Variants in PRKAG2 observed in about 807,000 individuals in gnomAD.
The protein encoded by PRKAG2 is 5'-AMP-activated protein kinase subunit gamma-2.
A neutral mutation model predicts 69.6 loss-of-function variants in PRKAG2; 26 were observed. That is an observed-to-expected ratio of 0.37 (90% CI 0.27 to 0.52). The LOEUF (loss-of-function observed/expected upper bound fraction) is 0.52. Among genes scored for constraint, PRKAG2 ranks in the 20% least tolerant of loss-of-function variants. The pLI is 0.90. For missense variants in PRKAG2, 557 were observed against 740.0 expected (o/e 0.75, Z 2.87); for synonymous variants, 293 against 285.0 (o/e 1.03, Z -0.28).
intron 1 of PRKAG2, among the ~76,000 whole-genome samples, chr7:151,789,231 T>C (rs543089671): frequency 6.6e-5 from 10 of 152,256 alleles, no homozygotes; most frequent in Non-Finnish European, 8.8e-5. Flanking sequence ...ACTGAATCTA[T>C]AGACCACTTT....
chr7:151,811,726 A>T lies in PRKAG2; in HGVS notation c.115-25185T>A, dbSNP rs554570532. Among the ~76,000 whole-genome samples, 7 of 152,278 alleles carry T rather than the reference A, an allele frequency of 4.6e-5. No homozygotes were observed. The South Asian group carries it at 1.2e-3, about 27-fold the overall frequency. On this transcript the variant is annotated intron_variant, in intron 1 of 15. Coordinates refer to ENST00000287878, the MANE Select transcript of PRKAG2 (RefSeq NM_016203.4). ...GGACAAGCCTGCCCACTAGGAAGGG[A>T]GGGAAGGTATTGAGCCTTGAACGAG...
chr7:151,742,870 T>G (rs566706003), intron 3 of PRKAG2, among the ~76,000 whole-genome samples: 6 of 152,196 alleles, frequency 3.9e-5, no homozygotes, highest in African/African-American at 1.4e-4. Flanking sequence ...TGCCTGAAAT[T>G]CCTTACATGA....
At chr7:151,700,420 C>G (rs938625745) in intron 3 of PRKAG2, among the ~76,000 whole-genome samples, 1 of 150,764 alleles carries the variant, frequency 6.6e-6, no homozygotes, top group Non-Finnish European at 1.5e-5. Flanking sequence ...TGACAAGACT[C>G]TTCAGTGACC....
At chr7:151,716,229 C>T (rs1796164868) in intron 3 of PRKAG2, among the ~76,000 whole-genome samples, 2 of 152,184 alleles carry the variant, frequency 1.3e-5, no homozygotes, top group South Asian at 4.1e-4. Flanking sequence ...GGTGCTGAAC[C>T]TGAGGTGCCC....
intron 2 of PRKAG2, among the ~76,000 whole-genome samples, chr7:151,782,295 A>AG (rs1204349333): frequency 9.1e-5 from 5 of 54,814 alleles, no homozygotes; most frequent in South Asian, 1.2e-3. Context: ...GAGAAAGGAA[A>AG]GAAAGGAAGG....
At chr7:151,627,134 G>A (rs967982740) in intron 5 of PRKAG2, among the ~76,000 whole-genome samples, 5 of 152,274 alleles carry the variant, frequency 3.3e-5, no homozygotes, top group Admixed American at 3.3e-4. Context: ...AACTCTTAAC[G>A]ACAGCAATAA....
At chr7:151,706,243 G>C (rs1838581764) in intron 3 of PRKAG2, among the ~76,000 whole-genome samples, 1 of 152,198 alleles carries the variant, frequency 6.6e-6, no homozygotes, top group Admixed American at 6.5e-5. Flanking sequence ...CCTGACTGCT[G>C]TCTCCTCCTG....
At chr7:151,615,947 C>T (rs567900404) in intron 5 of PRKAG2, among the ~76,000 whole-genome samples, 6 of 152,304 alleles carry the variant, frequency 3.9e-5, no homozygotes, top group South Asian at 2.1e-4. Context: ...ATTTGCACAC[C>T]GGCAGTATAA....
intron 5 of PRKAG2, among the ~76,000 whole-genome samples, chr7:151,603,210 G>C (rs1406421004): frequency 3.5e-4 from 16 of 45,420 alleles, no homozygotes; most frequent in South Asian, 2.1e-3. Context: ...CACACGGAGG[G>C]ACACGCTCCG....
At chr7:151,773,042 A>AGG (rs2076131140) in intron 3 of PRKAG2, among the ~76,000 whole-genome samples, 1 of 32,918 alleles carries the variant, frequency 3.0e-5, no homozygotes, top group African/African-American at 1.1e-4. Flanking sequence ...AGAGAGAGAG[A>AGG]GAGAGAGAGA....
intron 5 of PRKAG2, among the ~76,000 whole-genome samples, chr7:151,624,720 T>TGTCACCC (rs1822444340): frequency 6.6e-6 from 1 of 152,172 alleles, no homozygotes; most frequent in Non-Finnish European, 1.5e-5. Context: ...CAAGCCCTGA[T>TGTCACCC]GTCACCCACC....
chr7:151,827,753 A>AAAAAAAAAAAAC (rs2078934774), intron 1 of PRKAG2, among the ~76,000 whole-genome samples: 1 of 147,232 alleles, frequency 6.8e-6, no homozygotes, highest in South Asian at 2.2e-4. Context: ...GGTAAAAAAA[A>AAAAAAAAAAAAC]AAAAAAAAAA....
chr7:151,769,877 C>T (rs565269463), intron 3 of PRKAG2, among the ~76,000 whole-genome samples: 1 of 152,172 alleles, frequency 6.6e-6, no homozygotes, highest in Non-Finnish European at 1.5e-5. Context: ...TGCGTGTGTC[C>T]ACTGCTAGGG....
chr7:151,587,902 A>T (rs73727862), intron 6 of PRKAG2, among the ~76,000 whole-genome samples: 1 of 152,206 alleles, frequency 6.6e-6, no homozygotes. Flanking sequence ...AACTGGGACA[A>T]ATATAGACCA....
intron 3 of PRKAG2, among the ~76,000 whole-genome samples, chr7:151,767,482 G>C (rs2075796653): frequency 1.3e-5 from 2 of 152,164 alleles, no homozygotes; most frequent in Non-Finnish European, 2.9e-5. Flanking sequence ...GTAGAGATGG[G>C]GTTTTACCAT....
intron 5 of PRKAG2, among the ~76,000 whole-genome samples, chr7:151,609,916 G>A (rs544701188): frequency 6.6e-6 from 1 of 152,340 alleles, no homozygotes; most frequent in Non-Finnish European, 1.5e-5. Flanking sequence ...CTGGGTGACT[G>A]ACTGCAGACA....
At chr7:151,695,800 C>T (rs1349488943) in intron 3 of PRKAG2, among the ~76,000 whole-genome samples, 1 of 152,068 alleles carries the variant, frequency 6.6e-6, no homozygotes, top group Non-Finnish European at 1.5e-5. Context: ...AAGGCTAGGC[C>T]CTGGCCTTGT....
intron 3 of PRKAG2, among the ~76,000 whole-genome samples, chr7:151,677,665 G>A (rs1585697777): frequency 6.6e-6 from 1 of 152,232 alleles, no homozygotes; most frequent in East Asian, 1.9e-4. Flanking sequence ...ATTGTGAACT[G>A]TAACAGACCA....
intron 1 of PRKAG2, among the ~76,000 whole-genome samples, chr7:151,810,988 G>T (rs1483950492): frequency 6.6e-6 from 1 of 152,112 alleles, no homozygotes; most frequent in East Asian, 1.9e-4. Flanking sequence ...GGGACCCCAG[G>T]TGGCGGAGAG....
Sources: allele counts gnomAD v4.1 joint callset (sites outside exome capture counted in the v4.1 genomes callset), GRCh38; gene constraint gnomAD v4.1.1; transcripts MANE v1.5; gene names NCBI Gene and HGNC (gene_info 2026-07-23, HGNC 2026-07-21).